The following SEC14L5 variants were observed in gnomAD, a reference collection of about 807,000 sequenced individuals.
SEC14L5 encodes SEC14 like lipid binding 5, also known as SEC14-like protein 5.
A neutral mutation model predicts 84.6 loss-of-function variants in SEC14L5; 96 were observed. The observed-to-expected ratio is 1.13, with a 90% CI of 0.96 to 1.34. The LOEUF (loss-of-function observed/expected upper bound fraction) is 1.34. SEC14L5 is among the 40% of genes most tolerant of loss of function. SEC14L5 has a pLI of 0.00. For synonymous variants in SEC14L5, 546 were observed against 383.4 expected, an observed-to-expected ratio of 1.42 and a Z score of -4.95; for missense variants, 1,224 against 942.5, an observed-to-expected ratio of 1.30 and a Z score of -3.91.
intron 2 of SEC14L5, among the ~76,000 whole-genome samples, chr16:4,975,022 C>T (rs1194788458): frequency 3.9e-5 from 6 of 152,054 alleles, no homozygotes; most frequent in African/African-American, 1.4e-4. Flanking sequence ...AAGTAATCCG[C>T]CCACCTCAGC....
intron 12 of SEC14L5, among the ~76,000 whole-genome samples, chr16:5,006,881 C>T (rs1955737770): frequency 1.3e-5 from 2 of 151,778 alleles, no homozygotes. Flanking sequence ...GGGAGTTCTG[C>T]CAAGGCCTGG....
chr16:4,995,219 G>C (rs1309035774), intron 6 of SEC14L5, among the ~76,000 whole-genome samples: 1 of 152,194 alleles, frequency 6.6e-6, no homozygotes, highest in African/African-American at 2.4e-5. Context: ...CTGCTGCTTT[G>C]TGTGACGTCT....
intron 15 of SEC14L5, 70 bp downstream of exon 15, chr16:5,011,343 G>T (rs1429027556): frequency 6.7e-7 from 1 of 1,486,160 alleles, no homozygotes; most frequent in Admixed American, 1.9e-5. Flanking sequence ...CAGATGCCTG[G>T]CCTCCTGTCT....
chr16:4,997,857 A>T (rs933628939), intron 8 of SEC14L5, among the ~76,000 whole-genome samples: 1 of 151,750 alleles, frequency 6.6e-6, no homozygotes, highest in Non-Finnish European at 1.5e-5. Flanking sequence ...CTCTCTTCAC[A>T]TGGCCTTCCC....
At chr16:5,011,841 C>T (rs1010584169) in intron 15 of SEC14L5, among the ~76,000 whole-genome samples, 2 of 152,154 alleles carry the variant, frequency 1.3e-5, no homozygotes, top group Non-Finnish European at 2.9e-5. Flanking sequence ...GGGAAGCTGC[C>T]TGTCACCTGG....
rs776380598 is a variant in SEC14L5, at chr16:5,008,427, G to T, written c.1579G>T (p.Val527Leu). The change falls in exon 14 of 16, where the codon GTG (valine) becomes TTG (leucine). Residue 527 changes from valine (V) to leucine (L), a missense_variant. Transcript: ENST00000251170. ...CTCGCCTGTCTCCACACAGGTGGCC[G>T]TGGAGATCCTGGAAGGAGAGTCGGT... The part of the protein sequence containing the change: ...VLRGAPHEVA[V>L]EILEGESVIT... The T allele has an allele frequency of 4.3e-6, 7 of 1,611,282 alleles. No homozygotes were observed. Among genetic ancestry groups the T allele is most frequent in the Non-Finnish European group, 5.1e-6 (6 of 1,178,578 alleles).
chr16:4,963,886 T>C (rs529641371), intron 2 of SEC14L5, among the ~76,000 whole-genome samples: 1 of 148,688 alleles, frequency 6.7e-6, no homozygotes, highest in East Asian at 2.0e-4. Flanking sequence ...GAGGTCTCAC[T>C]ATGTTGCCCA....
At position 4,968,177 on chromosome 16, in the gene SEC14L5, G is replaced by T. The variant is rs550743652; in HGVS notation, c.63+8791G>T. ...TGAGACCACAGGTGTTCACCACCAC[G>T]CCTGGCTAATTTTTTTTTTGAGACG... On this transcript the variant is annotated intron_variant, in intron 2 of 15. Transcript: ENST00000251170. 3.4e-4 allele frequency among the ~76,000 whole-genome samples: 52 copies of T among 151,060 alleles called. 1 individual carries two copies. Among genetic ancestry groups the T allele is most frequent in the African/African-American group, 1.2e-3 (48 of 41,104 alleles).
At chr16:4,967,721 C>G (rs926346127) in intron 2 of SEC14L5, among the ~76,000 whole-genome samples, 1 of 150,718 alleles carries the variant, frequency 6.6e-6, no homozygotes, top group Admixed American at 6.6e-5. Flanking sequence ...TACAGGTGCC[C>G]GCCACCATGC....
intron 2 of SEC14L5, among the ~76,000 whole-genome samples, chr16:4,965,758 A>G (rs1458276548): frequency 6.8e-6 from 1 of 147,790 alleles, no homozygotes; most frequent in African/African-American, 2.5e-5. Context: ...AATTTTATTT[A>G]AGGCCAGTTG....
intron 1 of SEC14L5, among the ~76,000 whole-genome samples, chr16:4,958,828 G>C (rs1427384382): frequency 6.6e-6 from 1 of 152,174 alleles, no homozygotes; most frequent in Non-Finnish European, 1.5e-5. Flanking sequence ...TGAAGGCTGT[G>C]TGTGTATGTC....
intron 15 of SEC14L5, among the ~76,000 whole-genome samples, chr16:5,013,917 T>C (rs921013657): frequency 6.6e-6 from 1 of 152,120 alleles, no homozygotes; most frequent in African/African-American, 2.4e-5. Context: ...GGTCTCAAAC[T>C]CCTGGCCTCA....
At chr16:4,970,933 C>A (rs543875936) in intron 2 of SEC14L5, among the ~76,000 whole-genome samples, 25 of 152,252 alleles carry the variant, frequency 1.6e-4, no homozygotes, top group African/African-American at 5.5e-4. Context: ...CATGGTGAAA[C>A]CCCGTCTCTA....
In SEC14L5 at chr16:4,973,676, GTCTCTTTTT is replaced by G. The variant is rs1467592108; in HGVS notation, c.64-13879_64-13871del. On this transcript the variant is annotated intron_variant, in intron 2 of 15. Transcript: ENST00000251170. ...GTCTTATGTGATTTCTTTTTTCTCT[GTCTCTTTTT>G]TTTTTTTTTTTTTTTGAGACAGAGC... 4.2e-5 allele frequency among the ~76,000 whole-genome samples: 6 copies of G among 141,232 alleles called. No individual in the cohort carries two copies. The Admixed American group carries it at 4.5e-4, about 11-fold the overall frequency. 92.7% of individuals were successfully genotyped at this position (141,232 alleles called of 152,430 possible).
rs1218678075 is a variant in SEC14L5 at position 4,991,880 on chromosome 16, C to T, written c.517C>T (p.Gln173Ter). 3.7e-6 allele frequency: 6 copies of T among 1,610,392 alleles called. No individual in the cohort carries two copies. The East Asian group carries it at 8.9e-5, about 24-fold the overall frequency. ...GCATTACCTGAATGAGCTCATCTCC[C>T]AGGGTACCTCGCACATTCCGCGCTG... The part of the protein sequence containing the change: ...IEHYLNELIS[Q>*]GTSHIPRWTP... The change falls in exon 6 of 16, where the codon CAG (glutamine) becomes TAG (stop). Residue 173 changes from glutamine (Q) to a stop codon, truncating the protein, a stop_gained. Coordinates refer to ENST00000251170, the MANE Select transcript of SEC14L5 (RefSeq NM_014692.2). LOFTEE classifies it high-confidence loss of function.
intron 2 of SEC14L5, among the ~76,000 whole-genome samples, chr16:4,985,571 C>G (rs1955476792): frequency 1.3e-5 from 2 of 152,086 alleles, no homozygotes; most frequent in South Asian, 2.1e-4. Context: ...TGTCCCGGCA[C>G]CATTTGCTGA....
At chr16:4,962,084 T>C (rs1190014334) in intron 2 of SEC14L5, among the ~76,000 whole-genome samples, 4 of 147,256 alleles carry the variant, frequency 2.7e-5, no homozygotes, top group Admixed American at 2.1e-4. Context: ...AAATGGGGGC[T>C]GGGTGCTTAT....
intron 2 of SEC14L5, among the ~76,000 whole-genome samples, chr16:4,966,683 C>G (rs984954336): frequency 3.3e-5 from 5 of 152,100 alleles, no homozygotes; most frequent in African/African-American, 4.8e-5. Context: ...AGAGGCTTAT[C>G]CAGGGCTCCA....
intron 14 of SEC14L5, among the ~76,000 whole-genome samples, chr16:5,008,991 A>G (rs998348308): frequency 6.6e-6 from 1 of 152,212 alleles, no homozygotes; most frequent in Non-Finnish European, 1.5e-5. Context: ...TGCAGTAATG[A>G]GTTACCACAA....
Sources: allele counts gnomAD v4.1 joint callset (sites outside exome capture counted in the v4.1 genomes callset), GRCh38; gene constraint gnomAD v4.1.1; transcripts MANE v1.5; gene names NCBI Gene and HGNC (gene_info 2026-07-23, HGNC 2026-07-21).